The following TTC17 variants were observed in gnomAD, a reference collection of about 807,000 sequenced individuals.
The protein encoded by TTC17 is tetratricopeptide repeat protein 17.
A neutral mutation model predicts 143.8 loss-of-function variants in TTC17; 58 were observed. The observed-to-expected ratio is 0.40, with a 90% CI of 0.33 to 0.50. The LOEUF (loss-of-function observed/expected upper bound fraction) is 0.50, where lower values mean the gene tolerates loss of function less well. TTC17 is among the 20% of genes least tolerant of loss of function. The pLI, the probability that TTC17 is intolerant of heterozygous loss-of-function variation, is 0.49. For synonymous variants in TTC17, 501 were observed against 497.8 expected, an observed-to-expected ratio of 1.01 and a Z score of -0.09; for missense variants, 1,273 against 1,392.5, an observed-to-expected ratio of 0.91 and a Z score of 1.37.
Position 43,462,921 on chromosome 11 carries a change from C to CTTTTT in TTC17, c.3030+11664_3030+11668dup, listed in dbSNP as rs562594929. Among the ~76,000 whole-genome samples the CTTTTT allele has an allele frequency of 1.2e-4, 14 of 117,720 alleles. 3 individuals carry two copies. The highest frequency in any genetic ancestry group is 2.9e-4 in the Admixed American group (3 of 10,376). The allele number at this position is 117,720 out of a possible 152,430, so 77.2% of individuals were successfully genotyped here. Reference sequence around the variant, plus strand: ...CACTGAATCCAGCAGTGACAAAATTCTTTTTTTTTTTTGAGACAGAGTCTC... The same window carrying CTTTTT: ...CACTGAATCCAGCAGTGACAAAATTCTTTTTTTTTTTTTTTTTGAGACAGAGTCTC... On this transcript the variant is annotated intron_variant, in intron 21 of 23. Coordinates refer to ENST00000039989, the MANE Select transcript of TTC17 (RefSeq NM_018259.6).
chr11:43,450,372 A>G, intron 20 of TTC17, 131 bp downstream of exon 20: 3 of 1,142,190 alleles, frequency 2.6e-6, no homozygotes, highest in Non-Finnish European at 3.5e-6. Flanking sequence ...GGCATCACCT[A>G]GGTGGGTTTG....
At chr11:43,374,749 CAAAA>C (rs77640352) in intron 1 of TTC17, among the ~76,000 whole-genome samples, 1 of 113,030 alleles carries the variant, frequency 8.8e-6, no homozygotes, top group African/African-American at 3.4e-5. Context: ...TTAAAAAGAC[CAAAA>C]AAAAAAAAAA....
chr11:43,381,375 C>T (rs962919894), intron 2 of TTC17, among the ~76,000 whole-genome samples: 3 of 152,054 alleles, frequency 2.0e-5, no homozygotes, highest in Non-Finnish European at 4.4e-5. Flanking sequence ...CTTTTGGGCT[C>T]CAAGGCCAGG....
In TTC17 at chr11:43,440,563, T is replaced by G. The variant is rs186005263; in HGVS notation, c.2252-2762T>G. ...CTTTTTTAAAGATTCCTTTTCCCTTTACCTTAAGACAACCTACTTCTGTAA... is the reference window on the plus strand; with the variant it reads ...CTTTTTTAAAGATTCCTTTTCCCTTGACCTTAAGACAACCTACTTCTGTAA... On this transcript the variant is annotated intron_variant, in intron 16 of 23. Coordinates refer to ENST00000039989, the MANE Select transcript of TTC17 (RefSeq NM_018259.6). Among the ~76,000 whole-genome samples, 23 of 152,338 alleles carry G rather than the reference T, an allele frequency of 1.5e-4. No homozygotes were observed. In the East Asian group the frequency reaches 4.2e-3, roughly 28 times the overall value.
chr11:43,395,795 AAG>A (rs1287402206), intron 5 of TTC17, among the ~76,000 whole-genome samples: 1 of 152,238 alleles, frequency 6.6e-6, no homozygotes, highest in Non-Finnish European at 1.5e-5. Flanking sequence ...GTCCTTGTGA[AAG>A]AGTCACTGAA....
intron 2 of TTC17, among the ~76,000 whole-genome samples, chr11:43,385,434 C>G (rs949629611): frequency 2.0e-5 from 3 of 152,012 alleles, no homozygotes; most frequent in African/African-American, 4.8e-5. Flanking sequence ...AGAGAAAACA[C>G]AAATTTTTGA....
At chr11:43,479,813 G>A (rs1180389087) in intron 21 of TTC17, among the ~76,000 whole-genome samples, 1 of 152,200 alleles carries the variant, frequency 6.6e-6, no homozygotes, top group Non-Finnish European at 1.5e-5. Flanking sequence ...GGCAGCAAGT[G>A]ATTAGGGTTT....
Position 43,405,944 on chromosome 11 carries a change from C to T in TTC17, c.1754C>T (p.Ala585Val). The change falls in exon 13 of 24, where the codon GCA (alanine) becomes GTA (valine). Residue 585 changes from alanine (A) to valine (V), a missense_variant. This residue lies in a region of TTC17 where 878 missense variants were observed against 899.8 expected (regional missense o/e 0.98). Transcript: ENST00000039989. ...AAAGCCAAAATGCCAGATGACCATG[C>T]ACGAAAAGTAAGGCTCACTTAGGCT... ...DLKAKMPDDH[A>V]RKILLSRINN... The T allele has an allele frequency of 4.3e-6, 7 of 1,612,758 alleles. No individual in the cohort carries two copies. Among genetic ancestry groups the T allele is most frequent in the Non-Finnish European group, 5.9e-6 (7 of 1,179,600 alleles).
chr11:43,457,500 T>C (rs1947786135), intron 21 of TTC17, among the ~76,000 whole-genome samples: 1 of 151,880 alleles, frequency 6.6e-6, no homozygotes, highest in Non-Finnish European at 1.5e-5. Flanking sequence ...TAGGAGTAGA[T>C]TTACAGATAA....
chr11:43,460,020 G>A (rs780104146), intron 21 of TTC17, among the ~76,000 whole-genome samples: 4 of 152,094 alleles, frequency 2.6e-5, no homozygotes, highest in Non-Finnish European at 5.9e-5. Context: ...AAGTCAGGGA[G>A]CATCTGTAGT....
At position 43,385,497 on chromosome 11, in the gene TTC17, A is replaced by C. The variant is rs534808475; in HGVS notation, c.250-4155A>C. ...CATGGTTTAAAGAGAAAACTCACAA[A>C]ACTTTAGACTATGGTGGGAACACTT... On this transcript the variant is annotated intron_variant, in intron 2 of 23. Transcript: ENST00000039989. 3.9e-5 allele frequency: 6 copies of C among 152,286 alleles called. No homozygotes were observed. In the East Asian group the frequency reaches 9.6e-4, roughly 24 times the overall value. 9.4% of individuals were successfully genotyped at this position (152,286 alleles called of 1,614,324 possible).
chr11:43,477,245 C>G (rs1487028901), intron 21 of TTC17, among the ~76,000 whole-genome samples: 2 of 152,212 alleles, frequency 1.3e-5, no homozygotes, highest in African/African-American at 2.4e-5. Context: ...CTCCACAAGT[C>G]TCTAGGAAGT....
At chr11:43,443,206 G>T in intron 16 of TTC17, 119 bp from the exon 17 acceptor site, 1 of 1,130,026 alleles carries the variant, frequency 8.8e-7, no homozygotes, top group Admixed American at 2.6e-5. Context: ...ATTACATTGG[G>T]CTATAGTAGT....
chr11:43,415,011 A>G (rs1590382748), intron 16 of TTC17, among the ~76,000 whole-genome samples: 1 of 152,206 alleles, frequency 6.6e-6, no homozygotes, highest in East Asian at 1.9e-4. Context: ...AATATGTGGT[A>G]TATTCAACTG....
At position 43,401,513 on chromosome 11, in the gene TTC17, A is replaced by G; in HGVS notation, c.1287A>G (p.Val429=). The G allele has an allele frequency of 6.2e-7, 1 of 1,613,728 alleles. No individual in the cohort carries two copies. Among genetic ancestry groups the G allele is most frequent in the South Asian group, 1.1e-5 (1 of 90,968 alleles). The change falls in exon 10 of 24, where the codon GTA becomes GTG. Residue 429 remains valine, a synonymous_variant. Coordinates refer to ENST00000039989, the MANE Select transcript of TTC17 (RefSeq NM_018259.6). ...TACATTGCCAGTGGGACCAGCCTGT[A>G]CGCTATCATCGTGGAGATATCTTTG... The part of the protein sequence containing the change: ...HSLHCQWDQP[V]RYHRGDIFEN...
intron 10 of TTC17, among the ~76,000 whole-genome samples, chr11:43,402,258 TA>T (rs1267663988): frequency 1.1e-4 from 16 of 152,072 alleles, no homozygotes; most frequent in Non-Finnish European, 2.9e-5. Context: ...CCTTTTAGAG[TA>T]AGACCTATTT....
In TTC17 at chr11:43,402,190, G is replaced by A. The variant is rs998501405; in HGVS notation, c.1332+632G>A. On this transcript the variant is annotated intron_variant, in intron 10 of 23. Transcript: ENST00000039989. ...TTTGATTCTTTTCTCTTTTACCATG[G>A]GAGCTAGAATTGGGCTATTATTATT... Among the ~76,000 whole-genome samples the A allele has an allele frequency of 1.9e-4, 29 of 151,880 alleles. 1 individual carries two copies. The highest frequency in any genetic ancestry group is 6.9e-3 in the Middle Eastern group (2 of 288).
chr11:43,382,864 A>G (rs1286932909), intron 2 of TTC17, among the ~76,000 whole-genome samples: 1 of 151,870 alleles, frequency 6.6e-6, no homozygotes, highest in Non-Finnish European at 1.5e-5. Flanking sequence ...CAAACAATCC[A>G]ATTTCCTTTT....
chr11:43,425,626 G>T (rs1947009740), intron 16 of TTC17, among the ~76,000 whole-genome samples: 1 of 152,098 alleles, frequency 6.6e-6, no homozygotes, highest in African/African-American at 2.4e-5. Flanking sequence ...AAACACATAA[G>T]ACTGAGGATG....
Sources: gnomAD v4.1 joint callset for allele counts (sites outside exome capture counted in the v4.1 genomes callset) on GRCh38, gnomAD v4.1.1 for gene constraint, gnomAD v4.1.1 regional missense constraint, MANE v1.5 for transcripts, NCBI Gene and HGNC (gene_info 2026-07-23, HGNC 2026-07-21) for gene names.